ARHGAP24: variants seen among roughly 807,000 people sequenced by gnomAD.
ARHGAP24 encodes Rho GTPase activating protein 24.
Under a neutral mutation model 76.4 loss-of-function variants are expected in ARHGAP24, and 50 were observed. The observed-to-expected ratio is 0.65, with a 90% CI of 0.52 to 0.83. The LOEUF is 0.83. Among genes scored for constraint, ARHGAP24 ranks in the 40% least tolerant of loss-of-function variants. The pLI is 0.00. For missense variants in ARHGAP24, 930 were observed against 914.2 expected, an observed-to-expected ratio of 1.02 and a Z score of -0.22; for synonymous variants, 345 against 323.3, an observed-to-expected ratio of 1.07 and a Z score of -0.72.
rs148824321 is a variant in ARHGAP24 at position 85,977,569 on chromosome 4, G to A, written c.807-1G>A. 1.2e-6 allele frequency: 2 copies of A among 1,613,276 alleles called. No individual in the cohort carries two copies. Among genetic ancestry groups the A allele is most frequent in the African/African-American group, 2.7e-5 (2 of 74,998 alleles). On this transcript the variant is annotated splice_acceptor_variant, in intron 7 of 9. Transcript: ENST00000395184. LOFTEE classifies it high-confidence loss of function. ...TTCAATCATATGCTTATACTCCATA[G>A]ATTCTTGGATGAAGTACAGTCCTAC...
intron 1 of ARHGAP24, among the ~76,000 whole-genome samples, chr4:85,540,765 A>T (rs925705046): frequency 1.3e-5 from 2 of 152,192 alleles, no homozygotes; most frequent in African/African-American, 4.8e-5. Flanking sequence ...ATGCTATATG[A>T]ATGAAAATAT....
chr4:85,869,797 A>C (rs1732422066), intron 3 of ARHGAP24, among the ~76,000 whole-genome samples: 1 of 152,186 alleles, frequency 6.6e-6, no homozygotes, highest in South Asian at 2.1e-4. Flanking sequence ...AGATCAGAGA[A>C]ACAGGAAATT....
intron 3 of ARHGAP24, among the ~76,000 whole-genome samples, chr4:85,726,035 C>A (rs1004967137): frequency 3.9e-5 from 6 of 152,280 alleles, no homozygotes; most frequent in African/African-American, 1.2e-4. Flanking sequence ...AGTCCTCCCC[C>A]TCAAAAACCA....
At chr4:85,537,249 C>T (rs1183907547) in intron 1 of ARHGAP24, among the ~76,000 whole-genome samples, 2 of 152,062 alleles carry the variant, frequency 1.3e-5, no homozygotes, top group Non-Finnish European at 2.9e-5. Flanking sequence ...AGAGGTTTTC[C>T]ATCTGGTTCG....
intron 2 of ARHGAP24, among the ~76,000 whole-genome samples, chr4:85,695,942 A>G (rs1723849734): frequency 6.6e-6 from 1 of 152,180 alleles, no homozygotes; most frequent in Non-Finnish European, 1.5e-5. Context: ...AAATATATTG[A>G]CAATGTTACA....
Position 85,571,834 on chromosome 4 carries a change from T to C in ARHGAP24, c.180+1113T>C, listed in dbSNP as rs187893036. ...AGGTATTGTTAACTCTCTTTGTGCA[T>C]GAACACCAAGGTTTATGTGTAATGC... On this transcript the variant is annotated intron_variant, in intron 2 of 9. Transcript: ENST00000395184. Among the ~76,000 whole-genome samples, 118 of 152,326 alleles carry C rather than the reference T, an allele frequency of 7.7e-4. 2 individuals are homozygous for C. The East Asian group carries it at 0.019, about 24-fold the overall frequency.
intron 2 of ARHGAP24, among the ~76,000 whole-genome samples, chr4:85,631,326 T>C (rs1721153226): frequency 6.6e-6 from 1 of 152,176 alleles, no homozygotes; most frequent in African/African-American, 2.4e-5. Context: ...AATTATTATG[T>C]TAACATATTT....
chr4:85,980,397 T>C (rs1426755174), intron 8 of ARHGAP24, among the ~76,000 whole-genome samples: 1 of 152,184 alleles, frequency 6.6e-6, no homozygotes, highest in Non-Finnish European at 1.5e-5. Flanking sequence ...TTCCAAGGAA[T>C]CCTGGTTTGC....
chr4:85,662,022 G>T (rs1722408579), intron 2 of ARHGAP24, among the ~76,000 whole-genome samples: 1 of 152,102 alleles, frequency 6.6e-6, no homozygotes, highest in African/African-American at 2.4e-5. Context: ...TAGTCCTTTG[G>T]GTATATACCC....
intron 1 of ARHGAP24, among the ~76,000 whole-genome samples, chr4:85,517,363 G>C (rs1488413635): frequency 6.6e-6 from 1 of 150,644 alleles, no homozygotes; most frequent in South Asian, 2.1e-4. Flanking sequence ...TATAATTGTG[G>C]ACATTTTTAT....
At chr4:85,988,155 G>A (rs920646196) in intron 8 of ARHGAP24, among the ~76,000 whole-genome samples, 6 of 151,852 alleles carry the variant, frequency 4.0e-5, no homozygotes, top group African/African-American at 1.4e-4. Context: ...ATCACTGATG[G>A]TCTTGTACTA....
At chr4:85,593,673 A>G (rs961551404) in intron 2 of ARHGAP24, among the ~76,000 whole-genome samples, 1 of 152,100 alleles carries the variant, frequency 6.6e-6, no homozygotes, top group African/African-American at 2.4e-5. Flanking sequence ...TTGCATATGA[A>G]TATCCAATTT....
rs558041849 is a variant in ARHGAP24 at position 85,966,223 on chromosome 4, C to T, written c.600-5813C>T. On this transcript the variant is annotated intron_variant, in intron 5 of 9. Transcript: ENST00000395184. The stretch of plus-strand genomic sequence containing the variant: ...CCGCACCCTCATGAATTCATCTAAC[C>T]CTAATTACCTCCCAGAGCCCTATCT... Among the ~76,000 whole-genome samples, 14 of 152,232 alleles carry T rather than the reference C, an allele frequency of 9.2e-5. 1 individual carries two copies. The South Asian group carries it at 2.9e-3, about 32-fold the overall frequency.
intron 5 of ARHGAP24, among the ~76,000 whole-genome samples, chr4:85,966,287 C>T (rs932966360): frequency 4.6e-5 from 7 of 152,070 alleles, no homozygotes; most frequent in Admixed American, 6.6e-5. Context: ...CTTTGATGTA[C>T]GAAGAGGATA....
intron 3 of ARHGAP24, among the ~76,000 whole-genome samples, chr4:85,783,418 C>T (rs1373719294): frequency 1.3e-5 from 2 of 151,686 alleles, no homozygotes; most frequent in Non-Finnish European, 2.9e-5. Context: ...TGACTTTGCT[C>T]ATTTGATTAT....
intron 3 of ARHGAP24, among the ~76,000 whole-genome samples, chr4:85,898,577 A>G (rs1052344977): frequency 6.6e-6 from 1 of 152,332 alleles, no homozygotes; most frequent in Admixed American, 6.5e-5. Flanking sequence ...TCAGGCTGTG[A>G]GCATGAGTTA....
chr4:85,679,919 AAT>A (rs1349609930), intron 2 of ARHGAP24, among the ~76,000 whole-genome samples: 1 of 152,336 alleles, frequency 6.6e-6, no homozygotes, highest in Admixed American at 6.5e-5. Flanking sequence ...GATAAGAGGA[AAT>A]ATATTGGTTC....
chr4:85,661,172 G>T (rs376714170), intron 2 of ARHGAP24, among the ~76,000 whole-genome samples: 16 of 152,178 alleles, frequency 1.1e-4, no homozygotes, highest in African/African-American at 3.6e-4. Flanking sequence ...GCAGTTGAAT[G>T]CAGTGAGTGG....
intron 2 of ARHGAP24, among the ~76,000 whole-genome samples, chr4:85,705,736 A>G (rs975368335): frequency 2.0e-5 from 3 of 152,188 alleles, no homozygotes; most frequent in African/African-American, 7.2e-5. Flanking sequence ...CAAGGAGTAA[A>G]GTTTATATGT....
Sources: gnomAD v4.1 joint callset for allele counts (sites outside exome capture counted in the v4.1 genomes callset) on GRCh38, gnomAD v4.1.1 for gene constraint, MANE v1.5 for transcripts, NCBI Gene and HGNC (gene_info 2026-07-23, HGNC 2026-07-21) for gene names.